The following CCDC141 variants were observed in gnomAD, a reference collection of about 807,000 sequenced individuals.
CCDC141 encodes the protein coiled-coil domain containing 141.
Under a neutral mutation model 181.0 loss-of-function variants are expected in CCDC141, and 168 were observed. The ratio of observed to expected loss-of-function variants is 0.93; its 90% CI spans 0.82 to 1.05. CCDC141 has a LOEUF of 1.05. Ranked by LOEUF, CCDC141 falls within the 50% of genes least tolerant of loss-of-function variation. CCDC141 has a pLI of 0.00. For missense variants in CCDC141, 1,902 were observed against 1,788.5 expected (o/e 1.06, Z -1.14); for synonymous variants, 666 against 642.3 (o/e 1.04, Z -0.56).
At chr2:178,913,386 T>C (rs566701861) in intron 7 of CCDC141, among the ~76,000 whole-genome samples, 1 of 152,224 alleles carries the variant, frequency 6.6e-6, no homozygotes, top group Admixed American at 6.5e-5. Context: ...CATAGTATTT[T>C]TTTAGGTACT....
chr2:179,008,699 A>T (rs1231873461), intron 2 of CCDC141, among the ~76,000 whole-genome samples: 1 of 152,152 alleles, frequency 6.6e-6, no homozygotes, highest in Non-Finnish European at 1.5e-5. Context: ...GGGTGGAAAA[A>T]TCAGGGCACC....
intron 6 of CCDC141, among the ~76,000 whole-genome samples, chr2:178,939,865 T>C (rs1244661524): frequency 6.6e-6 from 1 of 152,100 alleles, no homozygotes; most frequent in Non-Finnish European, 1.5e-5. Flanking sequence ...AAGGGGTAAA[T>C]TAAAGCACTG....
At position 178,872,210 on chromosome 2, in the gene CCDC141, G is replaced by A. The variant is rs1686149168; in HGVS notation, c.2002C>T (p.Leu668=). Residue 668 remains leucine (L), a synonymous_variant, in exon 13 of 24, where the codon CTG becomes TTG. Transcript: ENST00000443758. ...AEREELSLLR[L]AWQLKATESK... is the part of the protein sequence containing the mutation. ...TCCGTGGCTTTAAGCTGCCATGCCA[G>A]CCGAAGGAGGCTAAGTTCTTCCCGT... 2.5e-6 allele frequency: 4 copies of A among 1,613,966 alleles called. No homozygotes were observed. The highest frequency in any genetic ancestry group is 3.4e-6 in the Non-Finnish European group (4 of 1,179,938).
intron 7 of CCDC141, among the ~76,000 whole-genome samples, chr2:178,909,546 G>A (rs1387473): frequency 0.39 from 58,670 of 152,082 alleles, 13,484 homozygotes; most frequent in South Asian, 0.54. Flanking sequence ...CAAGAAGACT[G>A]TACTGTCTGT....
chr2:178,836,757 GATT>G (rs1432453337), intron 23 of CCDC141, 134 bp downstream of exon 23: 3 of 910,088 alleles, frequency 3.3e-6, no homozygotes, highest in Non-Finnish European at 5.0e-6. Flanking sequence ...TCTGATGTGA[GATT>G]GAATCATGCA....
At chr2:179,011,480 C>T (rs145765099) in intron 2 of CCDC141, among the ~76,000 whole-genome samples, 113 of 152,234 alleles carry the variant, frequency 7.4e-4, no homozygotes, top group African/African-American at 2.6e-3. Flanking sequence ...AAAACAATTA[C>T]TAATAGACCT....
intron 6 of CCDC141, among the ~76,000 whole-genome samples, chr2:178,929,797 A>T (rs1312618331): frequency 6.6e-6 from 1 of 152,058 alleles, no homozygotes; most frequent in Non-Finnish European, 1.5e-5. Flanking sequence ...TTGTTATCCA[A>T]AAGGGAGCCC....
chr2:178,995,917 T>TTAACCTGGCCTCAATTAAATAGG (rs1692266854), intron 2 of CCDC141, among the ~76,000 whole-genome samples: 1 of 152,188 alleles, frequency 6.6e-6, no homozygotes, highest in African/African-American at 2.4e-5. Flanking sequence ...TTTTATACTT[T>TTAACCTGGCCTCAATTAAATAGG]TTAACATTAA....
At position 178,837,583 on chromosome 2, in the gene CCDC141, A is replaced by C; in HGVS notation, c.3636T>G (p.Asp1212Glu). The C allele has an allele frequency of 6.2e-7, 1 of 1,613,974 alleles. No individual in the cohort carries two copies. The highest frequency in any genetic ancestry group is 8.5e-7 in the Non-Finnish European group (1 of 1,179,934). The part of the protein sequence containing the change: ...SGEEYECVSP[D>E]DISLPPLPGS... ...CTGGGAGAGGAGGCAAGGAGATGTC[A>C]TCAGGTGAGACACACTCATATTCTT... is the stretch of plus-strand genomic sequence containing the variant. Residue 1212 changes from aspartate to glutamate, a missense_variant, in exon 23 of 24, where the codon GAT becomes GAG. Asp to Glu is a conservative substitution (Grantham distance 45). Coordinates refer to ENST00000443758, the MANE Select transcript of CCDC141 (RefSeq NM_173648.4).
rs1684204337 is a variant in CCDC141, at chr2:178,830,395, G to A, written c.*3778C>T. 1 of 152,186 alleles carries A rather than the reference G, an allele frequency of 6.6e-6. No homozygotes were observed. Among genetic ancestry groups the A allele is most frequent in the African/African-American group, 2.4e-5 (1 of 41,442 alleles). The allele number at this position is 152,186 out of a possible 1,614,324, so 9.4% of individuals were successfully genotyped here. ...GATGAGGTGAGAGATTTTCATGAGT[G>A]CTTCATTGTTAGGGCCTGATTCGGA... On this transcript the variant is annotated 3_prime_UTR_variant, in exon 24 of 24. Transcript: ENST00000443758.
chr2:179,049,391 A>T (rs1333870264), intron 1 of CCDC141, among the ~76,000 whole-genome samples: 2 of 152,096 alleles, frequency 1.3e-5, no homozygotes, highest in Non-Finnish European at 2.9e-5. Flanking sequence ...TGCTTAAAGC[A>T]GTGCCCTCCC....
rs1686115601 is a variant in CCDC141, at chr2:178,871,410, G to A, written c.2205+17C>T. The A allele has an allele frequency of 6.2e-7, 1 of 1,606,822 alleles. No individual in the cohort carries two copies. The highest frequency in any genetic ancestry group is 8.5e-7 in the Non-Finnish European group (1 of 1,177,194). ...TATTTTTTCCATTCACCCAAATCCA[G>A]CAATATATTTCTTCACCTGGAACTG... On this transcript the variant is annotated intron_variant, in intron 14 of 23. Transcript: ENST00000443758.
Position 179,001,350 on chromosome 2 carries a change from G to T in CCDC141, c.226-22675C>A. 1.3e-5 allele frequency among the ~76,000 whole-genome samples: 2 copies of T among 152,156 alleles called. 1 individual carries two copies. Among genetic ancestry groups the T allele is most frequent in the Non-Finnish European group, 2.9e-5 (2 of 68,030 alleles). On this transcript the variant is annotated intron_variant, in intron 2 of 23. Coordinates refer to ENST00000443758, the MANE Select transcript of CCDC141 (RefSeq NM_173648.4). ...AACGAAGAAAGGAGTGTAGTCTTGG[G>T]AGTATCACCTAAATGTGCTGATGTG... is the stretch of plus-strand genomic sequence containing the variant.
rs1343900459 is a variant in CCDC141, at chr2:178,868,179, C to A, written c.2421G>T (p.Glu807Asp). The change falls in exon 16 of 24, where the codon GAG becomes GAT. Residue 807 changes from glutamate (E) to aspartate (D), a missense_variant. Transcript: ENST00000443758. ...CCTTCGGCTGCTCTACAAACTCCAG[C>A]TCTCTTGATTTGATGAGACGTCCCA... ...EELGRLIKSR[E>D]LEFVEQPKEL... The A allele has an allele frequency of 6.2e-7, 1 of 1,612,766 alleles. No homozygotes were observed. Among genetic ancestry groups the A allele is most frequent in the Non-Finnish European group, 8.5e-7 (1 of 1,178,886 alleles).
In CCDC141 at chr2:178,973,117, T is replaced by G. The variant is rs559429975; in HGVS notation, c.526+1940A>C. 9.2e-3 allele frequency among the ~76,000 whole-genome samples: 1,405 copies of G among 152,276 alleles called. 10 individuals carry two copies. Among genetic ancestry groups the G allele is most frequent in the Middle Eastern group, 0.02 (6 of 294 alleles). On this transcript the variant is annotated intron_variant, in intron 4 of 23. Coordinates refer to ENST00000443758, the MANE Select transcript of CCDC141 (RefSeq NM_173648.4). ...AGATATGAAGCACTCAACTAAAAAA[T>G]CAGAATTTCACCCTTTAATATGCAT...
At chr2:178,851,378 A>G (rs1158367890) in intron 20 of CCDC141, among the ~76,000 whole-genome samples, 1 of 152,100 alleles carries the variant, frequency 6.6e-6, no homozygotes, top group Non-Finnish European at 1.5e-5. Flanking sequence ...TGAAGTCCCA[A>G]TTCCCAGTAC....
chr2:178,908,228 C>G (rs533283940), intron 7 of CCDC141, among the ~76,000 whole-genome samples: 145 of 152,234 alleles, frequency 9.5e-4, no homozygotes, highest in African/African-American at 3.3e-3. Flanking sequence ...CAGAGTCTCG[C>G]TCTGCCGCCA....
intron 4 of CCDC141, among the ~76,000 whole-genome samples, chr2:178,973,885 T>G (rs545043971): frequency 6.6e-6 from 1 of 152,336 alleles, no homozygotes; most frequent in East Asian, 1.9e-4. Flanking sequence ...ATTCTACTCA[T>G]TTCCTTTGGA....
chr2:179,037,752 C>G (rs1364505115), intron 2 of CCDC141, among the ~76,000 whole-genome samples: 2 of 152,158 alleles, frequency 1.3e-5, no homozygotes, highest in Admixed American at 1.3e-4. Flanking sequence ...AAAAGATGCT[C>G]AACATCATCC....
Sources: allele counts gnomAD v4.1 joint callset (sites outside exome capture counted in the v4.1 genomes callset), GRCh38; gene constraint gnomAD v4.1.1; transcripts MANE v1.5; gene names NCBI Gene and HGNC (gene_info 2026-07-23, HGNC 2026-07-21).